CSMD2: variants seen among roughly 807,000 people sequenced by gnomAD.
The protein encoded by CSMD2 is CUB and sushi domain-containing protein 2.
A neutral mutation model predicts 398.5 loss-of-function variants in CSMD2; 130 were observed. That is an observed-to-expected ratio of 0.33 (90% CI 0.28 to 0.38). CSMD2 has a LOEUF of 0.38. Ranked by LOEUF, CSMD2 falls within the 10% of genes least tolerant of loss-of-function variation. CSMD2 has a pLI of 1.00. For synonymous variants in CSMD2, 1,828 were observed against 1,908.5 expected, an observed-to-expected ratio of 0.96 and a Z score of 1.10; for missense variants, 3,829 against 4,764.9, an observed-to-expected ratio of 0.80 and a Z score of 5.78.
At chr1:33,961,664 C>T (rs114417173) in intron 3 of CSMD2, among the ~76,000 whole-genome samples, 2,055 of 152,236 alleles carry the variant, frequency 0.013, 47 homozygotes, top group African/African-American at 0.047. Context: ...GGCTTTGGTG[C>T]TGTCCTGGCA....
At chr1:33,692,022 A>C (rs1258534951) in intron 25 of CSMD2, among the ~76,000 whole-genome samples, 1 of 152,178 alleles carries the variant, frequency 6.6e-6, no homozygotes, top group African/African-American at 2.4e-5. Context: ...CGGATCTCAG[A>C]GTTTTGATTC....
chr1:33,932,229 A>G (rs1463245965), intron 4 of CSMD2, among the ~76,000 whole-genome samples: 2 of 152,128 alleles, frequency 1.3e-5, no homozygotes, highest in Non-Finnish European at 2.9e-5. Flanking sequence ...TTCACTCTCC[A>G]CAGGGGCCTG....
rs1421973992 is a variant in CSMD2, at chr1:33,519,790, CT to C, written c.10736+21del. 6.2e-7 allele frequency: 1 copy of C among 1,613,250 alleles called. No homozygotes were observed. Among genetic ancestry groups the C allele is most frequent in the African/African-American group, 1.3e-5 (1 of 74,808 alleles). On this transcript the variant is annotated intron_variant, in intron 69 of 70. Coordinates refer to ENST00000373381, the MANE Select transcript of CSMD2 (RefSeq NM_001281956.2). This position sits in a 1 kb window ranked among gnomAD's most constrained non-coding sequence, Gnocchi z 5.6. ...GAGGGAGGCCTGCCTGATGCCCGCC[CT>C]GCCTCCTTCCTGCACGGTACCTGTG...
intron 53 of CSMD2, among the ~76,000 whole-genome samples, chr1:33,561,562 A>G (rs1658545698): frequency 1.3e-5 from 2 of 152,204 alleles, no homozygotes; most frequent in African/African-American, 4.8e-5. Context: ...GAAGAATATA[A>G]AATGTTCTCT....
chr1:33,556,327 G>A (rs990970384), intron 55 of CSMD2, among the ~76,000 whole-genome samples: 6 of 152,148 alleles, frequency 3.9e-5, no homozygotes, highest in South Asian at 2.1e-4. Flanking sequence ...GTTCTCAAGC[G>A]AGGAAAATAC....
chr1:33,998,243 TG>T (rs1308818296), intron 3 of CSMD2, among the ~76,000 whole-genome samples: 1 of 152,122 alleles, frequency 6.6e-6, no homozygotes, highest in Non-Finnish European at 1.5e-5. Context: ...CTGTGCTGGA[TG>T]GTGCCCTGCA....
chr1:33,656,933 CA>C (rs1412698283), intron 27 of CSMD2, among the ~76,000 whole-genome samples: 1 of 152,154 alleles, frequency 6.6e-6, no homozygotes, highest in Non-Finnish European at 1.5e-5. Flanking sequence ...CCAGCATTGA[CA>C]GGGGAGATAA....
chr1:34,077,505 G>A (rs1460933338), intron 2 of CSMD2, among the ~76,000 whole-genome samples: 2 of 147,086 alleles, frequency 1.4e-5, no homozygotes, highest in African/African-American at 5.1e-5. Flanking sequence ...GGGAGGCCGA[G>A]GCGGGCGAAT....
chr1:34,113,712 A>C (rs1661325478), intron 1 of CSMD2, among the ~76,000 whole-genome samples: 2 of 152,126 alleles, frequency 1.3e-5, no homozygotes, highest in Admixed American at 6.5e-5. Context: ...AACAATACAC[A>C]GTCCAAAAAA....
chr1:33,933,496 GCA>G (rs1356312618), intron 4 of CSMD2, among the ~76,000 whole-genome samples: 2 of 152,158 alleles, frequency 1.3e-5, no homozygotes, highest in Non-Finnish European at 2.9e-5. Context: ...AAAAAGAACT[GCA>G]GTTTATATTT....
In CSMD2 at chr1:33,994,348, TC is replaced by T. The variant is rs1021247554; in HGVS notation, c.517+38245del. Among the ~76,000 whole-genome samples, 21 of 151,764 alleles carry T rather than the reference TC, an allele frequency of 1.4e-4. No homozygotes were observed. The Middle Eastern group carries it at 0.01, about 74-fold the overall frequency. Reference sequence around the variant, plus strand: ...TTCATTGAGCTGGGAAGGCCTGTCTTCCCCCTGATGAGTCCCCTCTTCCTCC... The same window carrying T: ...TTCATTGAGCTGGGAAGGCCTGTCTTCCCCTGATGAGTCCCCTCTTCCTCC... On this transcript the variant is annotated intron_variant, in intron 3 of 70. Transcript: ENST00000373381.
intron 10 of CSMD2, among the ~76,000 whole-genome samples, chr1:33,804,045 C>G (rs1655934687): frequency 6.6e-6 from 1 of 152,232 alleles, no homozygotes; most frequent in Non-Finnish European, 1.5e-5. Context: ...GTTTCCTAAC[C>G]TTTAACCTTT....
At chr1:33,845,355 C>G (rs1661253332) in intron 6 of CSMD2, among the ~76,000 whole-genome samples, 1 of 152,198 alleles carries the variant, frequency 6.6e-6, no homozygotes, top group Non-Finnish European at 1.5e-5. Context: ...GGGCAATGTA[C>G]ATACAGTGCC....
chr1:33,679,111 G>T (rs543426916), intron 25 of CSMD2, among the ~76,000 whole-genome samples: 1 of 152,252 alleles, frequency 6.6e-6, no homozygotes, highest in Admixed American at 6.5e-5. Context: ...TCTGTGAGGG[G>T]CCAATGTATC....
intron 9 of CSMD2, among the ~76,000 whole-genome samples, chr1:33,814,750 A>G (rs902664607): frequency 1.3e-5 from 2 of 152,170 alleles, no homozygotes; most frequent in Non-Finnish European, 2.9e-5. Context: ...GAGCCAGGAA[A>G]GTCCAACTCA....
intron 5 of CSMD2, among the ~76,000 whole-genome samples, chr1:33,855,730 A>G (rs1639037411): frequency 6.6e-6 from 1 of 152,146 alleles, no homozygotes; most frequent in Non-Finnish European, 1.5e-5. Context: ...TCCATGCTCT[A>G]GGATGTTAAA....
In CSMD2 at chr1:33,975,409, C is replaced by A. The variant is rs918769727; in HGVS notation, c.518-39455G>T. 2.1e-4 allele frequency among the ~76,000 whole-genome samples: 32 copies of A among 151,804 alleles called. 1 individual carries two copies. Among genetic ancestry groups the A allele is most frequent in the Admixed American group, 2.1e-3 (32 of 15,238 alleles). ...GGAACAGTATCAGGGACATAATACA[C>A]GGTATTATTTAAATAAATGAATAGA... is the stretch of plus-strand genomic sequence containing the variant. On this transcript the variant is annotated intron_variant, in intron 3 of 70. Coordinates refer to ENST00000373381, the MANE Select transcript of CSMD2 (RefSeq NM_001281956.2).
intron 6 of CSMD2, among the ~76,000 whole-genome samples, chr1:33,829,711 C>G (rs1409054814): frequency 2.0e-5 from 3 of 152,216 alleles, no homozygotes; most frequent in Non-Finnish European, 2.9e-5. Flanking sequence ...GAGGCATTGC[C>G]TCACTCGGGA....
chr1:33,657,878 C>T (rs997937609), intron 27 of CSMD2, 68 bp downstream of exon 27: 2 of 1,447,386 alleles, frequency 1.4e-6, no homozygotes, highest in Admixed American at 1.9e-5. Flanking sequence ...AGCTGCTGTG[C>T]ATGGAAGGTT....
Sources: gnomAD v4.1 joint callset for allele counts (sites outside exome capture counted in the v4.1 genomes callset) on GRCh38, gnomAD v4.1.1 for gene constraint, Gnocchi (gnomAD v3.1) non-coding constraint, MANE v1.5 for transcripts, NCBI Gene and HGNC (gene_info 2026-07-23, HGNC 2026-07-21) for gene names.